The following MME variants were observed in gnomAD, a reference collection of about 807,000 sequenced individuals.
The protein encoded by MME is neprilysin.
MME carries 98 observed loss-of-function variants against 113.2 expected under a neutral mutation model. That is an observed-to-expected ratio of 0.87 (90% CI 0.74 to 1.02). The LOEUF is 1.02. MME is among the 50% of genes least tolerant of loss of function. The pLI is 0.00. For synonymous variants in MME, 292 were observed against 300.6 expected (o/e 0.97, Z 0.30); for missense variants, 836 against 896.0 (o/e 0.93, Z 0.86).
At chr3:155,133,636 A>G (rs1720351876) in intron 8 of MME, among the ~76,000 whole-genome samples, 3 of 138,026 alleles carry the variant, frequency 2.2e-5, no homozygotes, top group African/African-American at 8.1e-5. Context: ...ATATATGTAT[A>G]TATACACACC....
chr3:155,083,481 G>T, intron 1 of MME: 1 of 153,044 alleles, frequency 6.5e-6, no homozygotes, highest in Non-Finnish European at 1.5e-5. Flanking sequence ...ATGGGATTGG[G>T]CGTGGTTAGG....
chr3:155,148,549 G>A lies in MME; in HGVS notation c.1498-1G>A. 1 of 1,584,694 alleles carries A rather than the reference G, an allele frequency of 6.3e-7. No homozygotes were observed. Among genetic ancestry groups the A allele is most frequent in the Non-Finnish European group, 8.7e-7 (1 of 1,153,946 alleles). On this transcript the variant is annotated splice_acceptor_variant, in intron 15 of 22. Transcript: ENST00000360490. LOFTEE classifies it high-confidence loss of function. ...CTTCCCAAATCTTCTTTATAATACA[G>A]TTGAACTACAAAGAAGATGAATACT...
chr3:155,085,133 A>C (rs751888468), intron 3 of MME, 39 bp downstream of exon 3: 6 of 1,274,622 alleles, frequency 4.7e-6, no homozygotes, highest in Non-Finnish European at 6.8e-6. Flanking sequence ...TATACAACTG[A>C]TGTATAATAT....
intron 22 of MME, among the ~76,000 whole-genome samples, chr3:155,179,266 A>G (rs969752676): frequency 1.3e-5 from 2 of 152,128 alleles, no homozygotes; most frequent in African/African-American, 4.8e-5. Context: ...AGGAAGAGAA[A>G]TGTACCACGA....
rs565707479 is a variant in MME at position 155,108,606 on chromosome 3, A to C, written c.197-6388A>C. On this transcript the variant is annotated intron_variant, in intron 3 of 22. Transcript: ENST00000360490. ...AGTGAGACTTCATCTCAAAAAAAAA[A>C]AAAACAAATTAAACCCATATAATAG... Among the ~76,000 whole-genome samples, 11 of 152,212 alleles carry C rather than the reference A, an allele frequency of 7.2e-5. No homozygotes were observed. In the South Asian group the frequency reaches 2.1e-3, roughly 29 times the overall value.
Position 155,183,511 on chromosome 3 carries a change from T to G in MME, c.*3052T>G, listed in dbSNP as rs1713292337. 6.6e-6 allele frequency: 1 copy of G among 152,206 alleles called. No individual in the cohort carries two copies. The highest frequency in any genetic ancestry group is 2.1e-4 in the South Asian group (1 of 4,832). 9.4% of individuals were successfully genotyped at this position (152,206 alleles called of 1,614,324 possible). ...TGTGCTGCTGTTACTGTTAACCATT[T>G]AAGTGGGGCAAAACCTTGCTAATTT... On this transcript the variant is annotated 3_prime_UTR_variant, in exon 23 of 23. Transcript: ENST00000360490.
intron 9 of MME, 126 bp downstream of exon 9, chr3:155,138,362 G>C: frequency 1.1e-6 from 1 of 927,042 alleles, no homozygotes; most frequent in Middle Eastern, 3.2e-4. Context: ...GCATGGCTTG[G>C]TAATAGATCA....
At chr3:155,100,283 C>T (rs909640930) in intron 3 of MME, among the ~76,000 whole-genome samples, 5 of 152,210 alleles carry the variant, frequency 3.3e-5, no homozygotes, top group African/African-American at 4.8e-5. Context: ...TTTATGCATC[C>T]GACAGACACA....
At chr3:155,083,228 C>T (rs910416118) in intron 1 of MME, among the ~76,000 whole-genome samples, 3 of 152,174 alleles carry the variant, frequency 2.0e-5, no homozygotes, top group African/African-American at 4.8e-5. Context: ...AGAATATTGA[C>T]GAGTTGTGTA....
intron 20 of MME, among the ~76,000 whole-genome samples, chr3:155,171,176 T>C (rs558383013): frequency 1.3e-4 from 20 of 152,254 alleles, no homozygotes; most frequent in African/African-American, 4.3e-4. Flanking sequence ...ATGAAGCAAA[T>C]TACAATTGTG....
intron 3 of MME, among the ~76,000 whole-genome samples, chr3:155,087,622 G>A (rs957595010): frequency 6.6e-6 from 1 of 152,106 alleles, no homozygotes; most frequent in Admixed American, 6.5e-5. Flanking sequence ...TGACTACTAA[G>A]GGTTAATTCC....
At chr3:155,026,159 G>A (rs1712778031) in intron 1 of MME, among the ~76,000 whole-genome samples, 1 of 150,422 alleles carries the variant, frequency 6.6e-6, no homozygotes, top group African/African-American at 2.4e-5. Flanking sequence ...AAGCAAACAG[G>A]ATTGAATGCT....
chr3:155,128,981 A>G (rs1016964504), intron 8 of MME, among the ~76,000 whole-genome samples: 1 of 152,146 alleles, frequency 6.6e-6, no homozygotes, highest in Non-Finnish European at 1.5e-5. Context: ...TTCTCTTTTC[A>G]ATCCCCAGTT....
chr3:155,123,516 A>G (rs1185894232), intron 8 of MME, among the ~76,000 whole-genome samples: 39 of 41,770 alleles, frequency 9.3e-4, no homozygotes, highest in Non-Finnish European at 1.4e-3. Context: ...CCTAGTCTCG[A>G]TGGTCTTTAC....
chr3:155,048,715 C>T (rs1228229031), intron 1 of MME, among the ~76,000 whole-genome samples: 1 of 152,028 alleles, frequency 6.6e-6, no homozygotes, highest in Non-Finnish European at 1.5e-5. Flanking sequence ...TTTCTTAGTA[C>T]ATGGTAGGCC....
chr3:155,084,405 A>G, intron 2 of MME, 78 bp downstream of exon 2: 1 of 1,450,140 alleles, frequency 6.9e-7, no homozygotes, highest in South Asian at 1.1e-5. Flanking sequence ...CCATCTATCC[A>G]ACGAATGTGT....
At chr3:155,110,151 G>T (rs556001954) in intron 3 of MME, among the ~76,000 whole-genome samples, 3 of 152,168 alleles carry the variant, frequency 2.0e-5, no homozygotes, top group African/African-American at 7.2e-5. Context: ...AGAGTAAAAG[G>T]GTACTTGAAA....
At chr3:155,050,343 T>A (rs780170169) in intron 1 of MME, among the ~76,000 whole-genome samples, 9 of 152,206 alleles carry the variant, frequency 5.9e-5, no homozygotes, top group Non-Finnish European at 1.3e-4. Flanking sequence ...CCTTTGGTTA[T>A]ATACCCAATA....
chr3:155,155,190 A>T (rs1328846236), intron 16 of MME, among the ~76,000 whole-genome samples: 1 of 151,806 alleles, frequency 6.6e-6, no homozygotes, highest in Non-Finnish European at 1.5e-5. Context: ...CCAGAGGGGG[A>T]AGGGGAATTA....
Sources: gnomAD v4.1 joint callset for allele counts (sites outside exome capture counted in the v4.1 genomes callset) on GRCh38, gnomAD v4.1.1 for gene constraint, MANE v1.5 for transcripts, NCBI Gene and HGNC (gene_info 2026-07-23, HGNC 2026-07-21) for gene names.